PEPD: variants seen among roughly 807,000 people sequenced by gnomAD.
PEPD encodes peptidase D.
A neutral mutation model predicts 60.7 loss-of-function variants in PEPD; 53 were observed. The ratio of observed to expected loss-of-function variants is 0.87; its 90% CI spans 0.70 to 1.10. The LOEUF (loss-of-function observed/expected upper bound fraction) is 1.10, where lower values mean the gene tolerates loss of function less well. Ranked by LOEUF, PEPD falls within the 50% of genes least tolerant of loss-of-function variation. PEPD has a pLI of 0.00. For synonymous variants in PEPD, 267 were observed against 284.1 expected, an observed-to-expected ratio of 0.94 and a Z score of 0.60; for missense variants, 711 against 711.9, an observed-to-expected ratio of 1.00 and a Z score of 0.01.
intron 11 of PEPD, among the ~76,000 whole-genome samples, chr19:33,404,722 C>A (rs1300313057): frequency 6.6e-6 from 1 of 152,170 alleles, no homozygotes; most frequent in African/African-American, 2.4e-5. Context: ...GGGAAGTATA[C>A]ACCCAGCCAG....
chr19:33,403,260 C>T (rs958250891), intron 11 of PEPD, among the ~76,000 whole-genome samples: 1 of 152,216 alleles, frequency 6.6e-6, no homozygotes, highest in Admixed American at 6.5e-5. Flanking sequence ...GGCCAAGTCA[C>T]GACACTGATG....
chr19:33,421,670 G>C (rs976089382), intron 9 of PEPD, among the ~76,000 whole-genome samples: 1 of 151,774 alleles, frequency 6.6e-6, no homozygotes, highest in African/African-American at 2.4e-5. Flanking sequence ...TTTTTTATAT[G>C]TTTTGTGGAG....
intron 12 of PEPD, among the ~76,000 whole-genome samples, chr19:33,394,237 A>G (rs1024297999): frequency 6.6e-6 from 1 of 152,208 alleles, no homozygotes; most frequent in African/African-American, 2.4e-5. Flanking sequence ...CTGGTCACCA[A>G]AGGGGAGCCC....
chr19:33,391,555 G>T (rs1402902474), intron 12 of PEPD, 76 bp from the exon 13 acceptor site: 4 of 1,328,448 alleles, frequency 3.0e-6, no homozygotes, highest in Admixed American at 2.0e-5. Flanking sequence ...TGGGAGATGT[G>T]AAGCCCTCAC....
At chr19:33,493,120 T>C (rs1388570820) in intron 5 of PEPD, among the ~76,000 whole-genome samples, 170 bp downstream of exon 5, 1 of 152,110 alleles carries the variant, frequency 6.6e-6, no homozygotes, top group Non-Finnish European at 1.5e-5. Flanking sequence ...CAAGCGATCC[T>C]CCCACCTTGC....
chr19:33,463,933 C>T (rs1969973972), intron 8 of PEPD, 54 bp downstream of exon 8: 4 of 1,220,622 alleles, frequency 3.3e-6, no homozygotes, highest in Non-Finnish European at 4.8e-6. Context: ...GCAGTTCTCT[C>T]GCCACACAGC....
intron 7 of PEPD, among the ~76,000 whole-genome samples, chr19:33,464,412 G>A (rs955466775): frequency 7.2e-5 from 11 of 152,206 alleles, no homozygotes; most frequent in African/African-American, 2.7e-4. Flanking sequence ...GCATGGAAGG[G>A]GGATGAAATC....
rs187881074 is a variant in PEPD at position 33,483,674 on chromosome 19, T to C, written c.504-5584A>G. 2.2e-4 allele frequency among the ~76,000 whole-genome samples: 33 copies of C among 152,160 alleles called. No homozygotes were observed. The East Asian group carries it at 6.2e-3, about 29-fold the overall frequency. The stretch of plus-strand genomic sequence containing the variant: ...AAAATTTAAAAATTATCTGGGTGTG[T>C]TGGCGCACACCTATAGTCCCAACTA... On this transcript the variant is annotated intron_variant, in intron 6 of 14. Coordinates refer to ENST00000244137, the MANE Select transcript of PEPD (RefSeq NM_000285.4).
chr19:33,474,592 A>G (rs1281372814), intron 7 of PEPD, among the ~76,000 whole-genome samples: 1 of 152,160 alleles, frequency 6.6e-6, no homozygotes, highest in African/African-American at 2.4e-5. Context: ...GCTGAGGCAC[A>G]AGAATCACGT....
intron 9 of PEPD, among the ~76,000 whole-genome samples, chr19:33,451,792 G>C (rs915049633): frequency 5.3e-5 from 8 of 152,138 alleles, no homozygotes; most frequent in African/African-American, 1.9e-4. Flanking sequence ...AGATTAAATA[G>C]GTTAAAAGGG....
chr19:33,491,255 G>A (rs1970494162), intron 5 of PEPD, among the ~76,000 whole-genome samples: 1 of 152,054 alleles, frequency 6.6e-6, no homozygotes, highest in African/African-American at 2.4e-5. Context: ...GGGAGTTTGA[G>A]ACTGATCAAC....
chr19:33,504,834 C>T (rs975827444), intron 3 of PEPD, among the ~76,000 whole-genome samples: 1 of 152,066 alleles, frequency 6.6e-6, no homozygotes, highest in South Asian at 2.1e-4. Flanking sequence ...ACCCCACACA[C>T]ACTCCCCTCA....
chr19:33,406,010 G>A (rs1375884784), intron 11 of PEPD, among the ~76,000 whole-genome samples: 2 of 152,256 alleles, frequency 1.3e-5, no homozygotes, highest in African/African-American at 2.4e-5. Context: ...CATGGACAGA[G>A]GCACGGCACC....
At chr19:33,498,794 G>A (rs991192460) in intron 4 of PEPD, among the ~76,000 whole-genome samples, 12 of 151,198 alleles carry the variant, frequency 7.9e-5, no homozygotes, top group African/African-American at 2.9e-4. Flanking sequence ...CTGGAGGCAG[G>A]TGCCCATGCC....
At chr19:33,428,163 C>T (rs1156753634) in intron 9 of PEPD, among the ~76,000 whole-genome samples, 1 of 152,190 alleles carries the variant, frequency 6.6e-6, no homozygotes, top group Admixed American at 6.5e-5. Context: ...AAGCATCTCG[C>T]CAGCGCCACC....
chr19:33,489,908 T>C (rs751509945), intron 6 of PEPD, 88 bp downstream of exon 6: 4 of 792,362 alleles, frequency 5.0e-6, no homozygotes, highest in Non-Finnish European at 8.8e-6. Flanking sequence ...GCATAGTTCA[T>C]GTCTTATTTG....
At chr19:33,518,349 C>T (rs541254699) in intron 1 of PEPD, among the ~76,000 whole-genome samples, 6 of 152,288 alleles carry the variant, frequency 3.9e-5, no homozygotes, top group South Asian at 4.1e-4. Context: ...AGCCCCCAGT[C>T]GGCCTGAGTC....
chr19:33,452,905 T>C lies in PEPD; in HGVS notation c.671+10090A>G, dbSNP rs577629683. 6.2e-4 allele frequency among the ~76,000 whole-genome samples: 95 copies of C among 152,212 alleles called. No homozygotes were observed. The South Asian group carries it at 9.1e-3, about 15-fold the overall frequency. On this transcript the variant is annotated intron_variant, in intron 9 of 14. Coordinates refer to ENST00000244137, the MANE Select transcript of PEPD (RefSeq NM_000285.4). Reference sequence around the variant, plus strand: ...AGTTGTTTCAGAAAACAGAAAAACATGGGGGTGCTTCCCAAAACATGATCT... The same window carrying C: ...AGTTGTTTCAGAAAACAGAAAAACACGGGGGTGCTTCCCAAAACATGATCT...
At chr19:33,495,610 C>T (rs767307417) in intron 4 of PEPD, among the ~76,000 whole-genome samples, 3 of 152,100 alleles carry the variant, frequency 2.0e-5, no homozygotes, top group Non-Finnish European at 4.4e-5. Context: ...CATGTATCAA[C>T]AATCTCCCGG....
Sources: gnomAD v4.1 joint callset for allele counts (sites outside exome capture counted in the v4.1 genomes callset) on GRCh38, gnomAD v4.1.1 for gene constraint, MANE v1.5 for transcripts, NCBI Gene and HGNC (gene_info 2026-07-23, HGNC 2026-07-21) for gene names.